The following C4orf50 variants were observed in gnomAD, a reference collection of about 807,000 sequenced individuals.
C4orf50 encodes chromosome 4 open reading frame 50.
In C4orf50, 80 loss-of-function variants were observed where a neutral mutation model predicts 77.2. The ratio of observed to expected loss-of-function variants is 1.04; its 90% CI spans 0.87 to 1.25. The LOEUF (loss-of-function observed/expected upper bound fraction) is 1.25. Among genes scored for constraint, C4orf50 ranks in the 50% most tolerant of loss-of-function variants. The pLI is 0.00. For missense variants in C4orf50, 1,257 were observed against 1,152.9 expected (o/e 1.09, Z -1.31); for synonymous variants, 532 against 465.3 (o/e 1.14, Z -1.84).
chr4:5,993,868 AAG>A lies in C4orf50; in HGVS notation c.1093+477_1093+478del, dbSNP rs1174171079. Among the ~76,000 whole-genome samples the A allele has an allele frequency of 2.0e-5, 3 of 147,506 alleles. No individual in the cohort carries two copies. The South Asian group carries it at 6.4e-4, about 31-fold the overall frequency. ...TAAATAAAAATAAATAAAAAAAAAA[AAG>A]AGAGAGAGAGATATTGGTTCACATC... is the stretch of plus-strand genomic sequence containing the variant. On this transcript the variant is annotated intron_variant, in intron 26 of 33. Transcript: ENST00000531445.
chr4:6,015,326 C>T lies in C4orf50; in HGVS notation c.287+2819G>A, dbSNP rs1246681464. ...AGAGGAGGAGAGGAGGACACAGACACACACAGAGGGATGACCATGTGACGA... is the reference window on the plus strand; with the variant it reads ...AGAGGAGGAGAGGAGGACACAGACATACACAGAGGGATGACCATGTGACGA... On this transcript the variant is annotated intron_variant, in intron 23 of 33. Coordinates refer to ENST00000531445, the Ensembl canonical transcript of C4orf50. The surrounding 1 kb of genome is among the most constrained non-coding windows in gnomAD (Gnocchi z 4.4). Among the ~76,000 whole-genome samples, 1 of 152,160 alleles carries T rather than the reference C, an allele frequency of 6.6e-6. No homozygotes were observed.
In C4orf50 at chr4:5,980,339, C is replaced by A. The variant is rs1220383271; in HGVS notation, c.3700-1G>T. 1.2e-6 allele frequency: 2 copies of A among 1,608,812 alleles called. No individual in the cohort carries two copies. The highest frequency in any genetic ancestry group is 1.1e-5 in the South Asian group (1 of 90,012). On this transcript the variant is annotated splice_acceptor_variant, in intron 28 of 33. Transcript: ENST00000531445. LOFTEE classifies it high-confidence loss of function. ...TAACCTCGGCCTCTGAGTCCCGGAG[C>A]TGCGGAAATCACAGATTTGAATGAA...
chr4:5,932,941 G>T lies in C4orf50; in HGVS notation c.*2474+23960C>A, dbSNP rs1413212915. On this transcript the variant is annotated intron_variant, in intron 7 of 7. Transcript: ENST00000324058. This position sits in a 1 kb window ranked among gnomAD's most constrained non-coding sequence, Gnocchi z 4.2. Reference sequence around the variant, plus strand: ...GGCATACAGCAGCCACTCAATAAATGGCGGAAACCATATTATCATTAATAT... The same window carrying T: ...GGCATACAGCAGCCACTCAATAAATTGCGGAAACCATATTATCATTAATAT... 6.6e-6 allele frequency among the ~76,000 whole-genome samples: 1 copy of T among 152,138 alleles called. No individual in the cohort carries two copies. Among genetic ancestry groups the T allele is most frequent in the Non-Finnish European group, 1.5e-5 (1 of 68,034 alleles).
At chr4:6,016,112 A>G (rs1302288789) in intron 23 of C4orf50, among the ~76,000 whole-genome samples, 1 of 152,118 alleles carries the variant, frequency 6.6e-6, no homozygotes, top group East Asian at 1.9e-4. Flanking sequence ...TTAAATCTAA[A>G]TTTGTTTGAG....
rs146586922 is a variant in C4orf50, at chr4:6,018,112, A to G, written c.287+33T>C. On this transcript the variant is annotated intron_variant, in intron 23 of 33. Coordinates refer to ENST00000531445, the Ensembl canonical transcript of C4orf50. The surrounding 1 kb of genome is among the most constrained non-coding windows in gnomAD (Gnocchi z 5.1). ...CTCTGATGGCCCCGCGGTTTGTGAAATACACACAGAGAGATCAAAATGGCA... is the reference window on the plus strand; with the variant it reads ...CTCTGATGGCCCCGCGGTTTGTGAAGTACACACAGAGAGATCAAAATGGCA... 128 of 398,426 alleles carry G rather than the reference A, an allele frequency of 3.2e-4. No homozygotes were observed. The highest frequency in any genetic ancestry group is 1.5e-3 in the African/African-American group (75 of 48,726). 24.7% of individuals were successfully genotyped at this position (398,426 alleles called of 1,614,324 possible).
At chr4:5,960,737 A>T (rs2108763442) in intron 33 of C4orf50, among the ~76,000 whole-genome samples, 1 of 152,336 alleles carries the variant, frequency 6.6e-6, no homozygotes, top group Admixed American at 6.5e-5. Context: ...GGAAGGCCTC[A>T]TGGAGGCAGT....
At chr4:5,937,066 G>C (rs962767477) in intron 7 of C4orf50, among the ~76,000 whole-genome samples, 1 of 151,864 alleles carries the variant, frequency 6.6e-6, no homozygotes, top group Non-Finnish European at 1.5e-5. Flanking sequence ...AAGACTGAGA[G>C]GTTTTTACTG....
At chr4:5,956,674 T>C (rs1718975027), downstream of C4orf50, 1 of 152,296 alleles carries the variant, frequency 6.6e-6, no homozygotes, top group Non-Finnish European at 1.5e-5. Flanking sequence ...TGGGGCTCCT[T>C]TGTGCAGTGG....
intron 7 of C4orf50, among the ~76,000 whole-genome samples, chr4:5,939,574 T>G (rs539951429): frequency 4.6e-5 from 7 of 152,338 alleles, no homozygotes; most frequent in African/African-American, 1.7e-4. Context: ...TATGGAAAAC[T>G]CTGCTCTGCT....
rs191252028 is a variant in C4orf50 at position 5,996,800 on chromosome 4, C to G, written c.964-2324G>C. 8.7e-4 allele frequency among the ~76,000 whole-genome samples: 132 copies of G among 152,314 alleles called. 3 individuals carry two copies. The highest frequency in any genetic ancestry group is 2.9e-3 in the African/African-American group (120 of 41,564). ...CTATTAACCCTGAGGGCCTGGGCAGCGACATCCTGTCCTGACAGCCACCTG... is the reference window on the plus strand; with the variant it reads ...CTATTAACCCTGAGGGCCTGGGCAGGGACATCCTGTCCTGACAGCCACCTG... On this transcript the variant is annotated intron_variant, in intron 25 of 33. Coordinates refer to ENST00000531445, the Ensembl canonical transcript of C4orf50.
chr4:5,910,991 C>T (rs569140246), intron 7 of C4orf50, among the ~76,000 whole-genome samples: 15 of 147,518 alleles, frequency 1.0e-4, no homozygotes, highest in East Asian at 6.1e-4. Context: ...CTGCAAGCTC[C>T]GCCTCCCGGG....
exon 34 of C4orf50, chr4:5,959,526 C>T: frequency 1.9e-6 from 3 of 1,614,158 alleles, no homozygotes; most frequent in Non-Finnish European, 2.5e-6. Context: ...ACAGGGCATT[C>T]CGCCTTTTTC....
At chr4:5,928,293 G>C (rs1482611198) in intron 7 of C4orf50, among the ~76,000 whole-genome samples, 1 of 151,788 alleles carries the variant, frequency 6.6e-6, no homozygotes, top group African/African-American at 2.4e-5. Context: ...AAGGTCAAAG[G>C]CAAAAACTGT....
At chr4:5,934,399 T>C (rs951723664) in intron 7 of C4orf50, among the ~76,000 whole-genome samples, 2 of 152,108 alleles carry the variant, frequency 1.3e-5, no homozygotes, top group Non-Finnish European at 2.9e-5. Flanking sequence ...TTTAAATAAA[T>C]CAAACTCCAC....
chr4:5,935,635 A>G lies in C4orf50; in HGVS notation c.*2474+21266T>C, dbSNP rs375394224. On this transcript the variant is annotated intron_variant, in intron 7 of 7. Coordinates refer to the C4orf50 transcript ENST00000324058. ...ACCCCGTCTGTACTAAAAATACAAA[A>G]ATTAGCTGGGTGTGGTGGCGGGCGC... Among the ~76,000 whole-genome samples, 31 of 151,824 alleles carry G rather than the reference A, an allele frequency of 2.0e-4. No individual in the cohort carries two copies. The East Asian group carries it at 6.0e-3, about 30-fold the overall frequency.
rs1307986869 is a variant in C4orf50, at chr4:6,017,999, G to A, written c.287+146C>T. 7.6e-6 allele frequency: 3 copies of A among 396,522 alleles called. No homozygotes were observed. Among genetic ancestry groups the A allele is most frequent in the East Asian group, 7.1e-5 (2 of 28,014 alleles). 24.6% of individuals were successfully genotyped at this position (396,522 alleles called of 1,614,324 possible). On this transcript the variant is annotated intron_variant, in intron 23 of 33. Transcript: ENST00000531445. This position sits in a 1 kb window ranked among gnomAD's most constrained non-coding sequence, Gnocchi z 4.7. ...AAGAAGGAGGGCGGGAGGAGCAGAA[G>A]GCAAGTGACTGCGTGGGCAGGTTAC... is the stretch of plus-strand genomic sequence containing the variant.
chr4:5,998,431 T>C (rs1721691095), intron 25 of C4orf50, among the ~76,000 whole-genome samples: 1 of 152,204 alleles, frequency 6.6e-6, no homozygotes, highest in Admixed American at 6.5e-5. Flanking sequence ...AATACCCTGC[T>C]CTGCACAAAA....
At position 6,008,825 on chromosome 4, in the gene C4orf50, G is replaced by A. The variant is rs551895495; in HGVS notation, c.427-293C>T. ...TGCAGGTGGCAGGATGGCCATCAGC[G>A]AGTACACACCCTGAGGGCCGCTGGA... On this transcript the variant is annotated intron_variant, in intron 24 of 33. Coordinates refer to ENST00000531445, the Ensembl canonical transcript of C4orf50. This position sits in a 1 kb window ranked among gnomAD's most constrained non-coding sequence, Gnocchi z 6.0. Among the ~76,000 whole-genome samples, 138 of 152,256 alleles carry A rather than the reference G, an allele frequency of 9.1e-4. No homozygotes were observed. Among genetic ancestry groups the A allele is most frequent in the Admixed American group, 2.6e-3 (40 of 15,298 alleles).
In C4orf50 at chr4:6,015,646, C is replaced by T. The variant is rs369032774; in HGVS notation, c.287+2499G>A. ...CTGTAACACGTCACCACAAGCTTGG[C>T]GGCCAGAAGTCGGAATCAGTCTTCC... On this transcript the variant is annotated intron_variant, in intron 23 of 33. Transcript: ENST00000531445. This position sits in a 1 kb window ranked among gnomAD's most constrained non-coding sequence, Gnocchi z 4.4. Among the ~76,000 whole-genome samples, 82 of 152,186 alleles carry T rather than the reference C, an allele frequency of 5.4e-4. No individual in the cohort carries two copies. The highest frequency in any genetic ancestry group is 6.8e-3 in the Middle Eastern group (2 of 294).
Sources: gnomAD v4.1 joint callset for allele counts (sites outside exome capture counted in the v4.1 genomes callset) on GRCh38, gnomAD v4.1.1 for gene constraint, Gnocchi (gnomAD v3.1) non-coding constraint, MANE v1.5 for transcripts, NCBI Gene and HGNC (gene_info 2026-07-23, HGNC 2026-07-21) for gene names.